The following MYT1L variants were observed in gnomAD, a reference collection of about 807,000 sequenced individuals.
MYT1L encodes the protein myelin transcription factor 1 like.
In MYT1L, 12 loss-of-function variants were observed where a neutral mutation model predicts 126.7. The ratio of observed to expected loss-of-function variants is 0.09; its 90% CI spans 0.06 to 0.15. MYT1L has a LOEUF of 0.15. Ranked by LOEUF, MYT1L falls within the 10% of genes least tolerant of loss-of-function variation. The probability of loss-of-function intolerance (pLI) is 1.00; values close to 1 mark genes in which losing one functional copy is unlikely to be tolerated. For synonymous variants in MYT1L, 541 were observed against 604.2 expected, an observed-to-expected ratio of 0.90 and a Z score of 1.53; for missense variants, 979 against 1,585.2, an observed-to-expected ratio of 0.62 and a Z score of 6.49.
At chr2:1,837,322 G>A (rs778448381) in intron 21 of MYT1L, among the ~76,000 whole-genome samples, 38 of 152,184 alleles carry the variant, frequency 2.5e-4, no homozygotes, top group Non-Finnish European at 3.7e-4. Context: ...AAATGCTCAC[G>A]TGAGAGGACG....
At chr2:2,276,613 T>A (rs2095363024) in intron 2 of MYT1L, among the ~76,000 whole-genome samples, 1 of 152,178 alleles carries the variant, frequency 6.6e-6, no homozygotes, top group Non-Finnish European at 1.5e-5. Context: ...CTAAGGCTGG[T>A]TGTCACATGC....
chr2:1,977,799 G>A (rs1333911135), intron 8 of MYT1L, among the ~76,000 whole-genome samples: 1 of 152,146 alleles, frequency 6.6e-6, no homozygotes, highest in Non-Finnish European at 1.5e-5. Flanking sequence ...TCTCATGGGT[G>A]ACTAACTTCT....
At chr2:1,916,472 A>T (rs2052846491) in intron 11 of MYT1L, among the ~76,000 whole-genome samples, 1 of 152,232 alleles carries the variant, frequency 6.6e-6, no homozygotes, top group African/African-American at 2.4e-5. Context: ...CTTTTCCCTG[A>T]ACCATCAATT....
At chr2:1,877,231 T>G (rs2047020216) in intron 18 of MYT1L, among the ~76,000 whole-genome samples, 1 of 152,196 alleles carries the variant, frequency 6.6e-6, no homozygotes, top group Non-Finnish European at 1.5e-5. Context: ...TATCACTTGT[T>G]GGCTATGATG....
At chr2:1,802,336 G>T (rs986464186) in intron 22 of MYT1L, among the ~76,000 whole-genome samples, 2 of 152,158 alleles carry the variant, frequency 1.3e-5, no homozygotes, top group Non-Finnish European at 2.9e-5. Flanking sequence ...TCCAGCAAAC[G>T]CTGAGGATGA....
In MYT1L at chr2:1,807,933, G is replaced by A. The variant is rs148805691; in HGVS notation, c.3172+1143C>T. Reference sequence around the variant, plus strand: ...TGGTGGGAGGTAATTGAATCATGGGGGTGGTTACCTCCATGCTGTTCCTGA... The same window carrying A: ...TGGTGGGAGGTAATTGAATCATGGGAGTGGTTACCTCCATGCTGTTCCTGA... On this transcript the variant is annotated intron_variant, in intron 22 of 24. Coordinates refer to ENST00000647738, the MANE Select transcript of MYT1L (RefSeq NM_001303052.2). Among the ~76,000 whole-genome samples, 1,263 of 152,272 alleles carry A rather than the reference G, an allele frequency of 8.3e-3. 22 individuals are homozygous for A. The highest frequency in any genetic ancestry group is 0.029 in the African/African-American group (1,205 of 41,558).
At position 2,208,002 on chromosome 2, in the gene MYT1L, GC is replaced by G. The variant is rs369902356; in HGVS notation, c.-420-35015del. Among the ~76,000 whole-genome samples the G allele has an allele frequency of 5.7e-3, 871 of 152,180 alleles. 13 individuals are homozygous for G. The highest frequency in any genetic ancestry group is 0.019 in the African/African-American group (778 of 41,534). ...GTAGGTTGGGTTCAATCCACTCCATGCCCCACTCAGTGGCAAACCCTCCTGT... is the reference window on the plus strand; with the variant it reads ...GTAGGTTGGGTTCAATCCACTCCATGCCCACTCAGTGGCAAACCCTCCTGT... On this transcript the variant is annotated intron_variant, in intron 2 of 24. Coordinates refer to ENST00000647738, the MANE Select transcript of MYT1L (RefSeq NM_001303052.2).
At chr2:2,179,121 C>T (rs1236300275) in intron 2 of MYT1L, among the ~76,000 whole-genome samples, 1 of 152,182 alleles carries the variant, frequency 6.6e-6, no homozygotes, top group East Asian at 1.9e-4. Context: ...CCAATGCCCC[C>T]ACACACATCC....
intron 2 of MYT1L, among the ~76,000 whole-genome samples, chr2:2,208,353 G>C (rs911348522): frequency 6.6e-6 from 1 of 152,160 alleles, no homozygotes; most frequent in Non-Finnish European, 1.5e-5. Flanking sequence ...TTGTAGACCT[G>C]TTGCAACCAC....
intron 3 of MYT1L, among the ~76,000 whole-genome samples, chr2:2,167,058 G>A (rs1314361209): frequency 6.6e-6 from 1 of 152,154 alleles, no homozygotes; most frequent in East Asian, 1.9e-4. Flanking sequence ...TTTATGGCGA[G>A]GCAAGTGTGT....
intron 2 of MYT1L, among the ~76,000 whole-genome samples, chr2:2,230,252 G>A (rs1432368423): frequency 1.3e-5 from 2 of 152,152 alleles, no homozygotes; most frequent in Non-Finnish European, 2.9e-5. Context: ...TTCAGCCTGT[G>A]GGAGAAAACA....
intron 13 of MYT1L, among the ~76,000 whole-genome samples, chr2:1,909,507 G>T (rs2891097): frequency 0.045 from 6,780 of 152,258 alleles, 207 homozygotes; most frequent in Non-Finnish European, 0.059. Context: ...AATTGTCATA[G>T]TTTTCATGTA....
rs1304848100 is a variant in MYT1L, at chr2:2,059,406, G to A, written c.-303-5283C>T. ...GGCACCATAGTAAGCACCCGGCGGC[G>A]GTCTCACAGCACCGCAGGAAGCACC... On this transcript the variant is annotated intron_variant, in intron 3 of 24. Coordinates refer to ENST00000647738, the MANE Select transcript of MYT1L (RefSeq NM_001303052.2). This position sits in a 1 kb window ranked among gnomAD's most constrained non-coding sequence, Gnocchi z 4.7. Among the ~76,000 whole-genome samples, 1 of 148,586 alleles carries A rather than the reference G, an allele frequency of 6.7e-6. No homozygotes were observed. The highest frequency in any genetic ancestry group is 1.9e-4 in the East Asian group (1 of 5,174).
In MYT1L at chr2:1,943,118, C is replaced by T; in HGVS notation, c.369G>A (p.Glu123=). 6.6e-7 allele frequency: 1 copy of T among 1,506,396 alleles called. No individual in the cohort carries two copies. Among genetic ancestry groups the T allele is most frequent in the South Asian group, 1.2e-5 (1 of 83,068 alleles). 93.3% of individuals were successfully genotyped at this position (1,506,396 alleles called of 1,614,324 possible). Residue 123 remains glutamate, a synonymous_variant, in exon 9 of 25, where the codon GAG becomes GAA. Coordinates refer to ENST00000647738, the MANE Select transcript of MYT1L (RefSeq NM_001303052.2). This position sits in a 1 kb window ranked among gnomAD's most constrained non-coding sequence, Gnocchi z 4.4. The part of the protein sequence containing the change: ...DNDEPGDEDE[E]DEEGDREEEE... The stretch of plus-strand genomic sequence containing the variant: ...CCTCCTCCCGGTCCCCCTCCTCGTC[C>T]TCCTCGTCCTCATCCCCTGGCTCAT...
intron 18 of MYT1L, among the ~76,000 whole-genome samples, chr2:1,875,144 C>G (rs2046743422): frequency 6.6e-6 from 1 of 152,214 alleles, no homozygotes; most frequent in Non-Finnish European, 1.5e-5. Context: ...CGTCCTACCC[C>G]AAGGCTTCTA....
intron 2 of MYT1L, among the ~76,000 whole-genome samples, chr2:2,211,699 G>T (rs2093515220): frequency 6.6e-6 from 1 of 151,698 alleles, no homozygotes; most frequent in Non-Finnish European, 1.5e-5. Context: ...CAGCTACTCA[G>T]GAGGCTGAGG....
intron 1 of MYT1L, among the ~76,000 whole-genome samples, chr2:2,309,273 A>C (rs1017757137): frequency 6.6e-6 from 1 of 151,486 alleles, no homozygotes; most frequent in Admixed American, 6.6e-5. Flanking sequence ...TACTCCATCT[A>C]CACTTCAGTA....
At chr2:2,000,512 C>A (rs564613804) in intron 4 of MYT1L, among the ~76,000 whole-genome samples, 1 of 152,298 alleles carries the variant, frequency 6.6e-6, no homozygotes, top group East Asian at 1.9e-4. Flanking sequence ...GGCACTTCTC[C>A]CTGGGCTGGG....
At chr2:2,120,703 T>C (rs1404043527) in intron 3 of MYT1L, among the ~76,000 whole-genome samples, 1 of 152,086 alleles carries the variant, frequency 6.6e-6, no homozygotes, top group East Asian at 1.9e-4. Flanking sequence ...CTTAAGGTAT[T>C]ACTTGTTCCT....
Sources: gnomAD v4.1 joint callset for allele counts (sites outside exome capture counted in the v4.1 genomes callset) on GRCh38, gnomAD v4.1.1 for gene constraint, Gnocchi (gnomAD v3.1) non-coding constraint, MANE v1.5 for transcripts, NCBI Gene and HGNC (gene_info 2026-07-23, HGNC 2026-07-21) for gene names.